ESYT2: variants seen among roughly 807,000 people sequenced by gnomAD.
ESYT2 encodes the protein extended synaptotagmin-2.
A neutral mutation model predicts 107.2 loss-of-function variants in ESYT2; 54 were observed. The observed-to-expected ratio is 0.50, with a 90% CI of 0.40 to 0.63. The LOEUF (loss-of-function observed/expected upper bound fraction) is 0.63, where lower values mean the gene tolerates loss of function less well. Ranked by LOEUF, ESYT2 falls within the 30% of genes least tolerant of loss-of-function variation. The pLI, the probability that ESYT2 is intolerant of heterozygous loss-of-function variation, is 0.00. For synonymous variants in ESYT2, 491 were observed against 434.1 expected (o/e 1.13, Z -1.63); for missense variants, 1,020 against 1,094.5 (o/e 0.93, Z 0.96).
At chr7:158,817,450 C>T (rs901589273) in intron 1 of ESYT2, among the ~76,000 whole-genome samples, 1 of 152,210 alleles carries the variant, frequency 6.6e-6, no homozygotes, top group Non-Finnish European at 1.5e-5. Context: ...TGATCTGGAG[C>T]GCTCCCCACA....
chr7:158,760,394 C>T (rs772662398), intron 11 of ESYT2, among the ~76,000 whole-genome samples: 25 of 152,362 alleles, frequency 1.6e-4, no homozygotes, highest in Admixed American at 4.6e-4. Context: ...ACACCAACCC[C>T]GTGACCCCGA....
chr7:158,787,025 G>A (rs898836725), intron 6 of ESYT2, among the ~76,000 whole-genome samples: 5 of 152,184 alleles, frequency 3.3e-5, no homozygotes, highest in Non-Finnish European at 2.9e-5. Flanking sequence ...CGAGGTGTGG[G>A]CTGATACAGA....
chr7:158,749,312 T>C (rs989455121), intron 15 of ESYT2, among the ~76,000 whole-genome samples: 2 of 151,904 alleles, frequency 1.3e-5, no homozygotes, highest in Non-Finnish European at 2.9e-5. Context: ...AGAGATGAGG[T>C]TTCACCGTAT....
At position 158,765,474 on chromosome 7, in the gene ESYT2, C is replaced by T. The variant is rs530312340; in HGVS notation, c.925-621G>A. On this transcript the variant is annotated intron_variant, in intron 8 of 22. Coordinates refer to ENST00000275418, the MANE Select transcript of ESYT2 (RefSeq NM_001367773.1). ...CTTGGCCAGGCGCGGTGGCTCATGC[C>T]TGTGATCACAGCACTTTGGAAGACC... Among the ~76,000 whole-genome samples the T allele has an allele frequency of 2.6e-5, 4 of 152,266 alleles. No individual in the cohort carries two copies. The East Asian group carries it at 7.7e-4, about 29-fold the overall frequency.
At chr7:158,757,629 C>T (rs1256881589) in intron 13 of ESYT2, among the ~76,000 whole-genome samples, 1 of 152,218 alleles carries the variant, frequency 6.6e-6, no homozygotes, top group Non-Finnish European at 1.5e-5. Context: ...CTAGAGCCCG[C>T]GGGACGCCCC....
At position 158,829,140 on chromosome 7, in the gene ESYT2, G is replaced by T; in HGVS notation, c.279C>A (p.Asp93Glu). The T allele has an allele frequency of 6.4e-7, 1 of 1,569,120 alleles. No individual in the cohort carries two copies. Among genetic ancestry groups the T allele is most frequent in the Admixed American group, 1.8e-5 (1 of 56,292 alleles). The change falls in exon 1 of 23, where the codon GAC becomes GAA. Residue 93 changes from aspartate to glutamate, a missense_variant. Asp to Glu is a conservative substitution (Grantham distance 45, BLOSUM62 2). Transcript: ENST00000275418. ...CCCCCAGGCGCACGACGCGCTCCTC[G>T]TCTTCCAGCAGCGCCAGCGCGCGGC... ...RLCRALALLE[D>E]EERVVRLGVR...
At chr7:158,739,211 T>G in intron 18 of ESYT2, 90 bp from the exon 19 acceptor site, 1 of 1,117,042 alleles carries the variant, frequency 9.0e-7, no homozygotes, top group Non-Finnish European at 1.3e-6. Flanking sequence ...AAATAATTTC[T>G]ATTCATTTAG....
chr7:158,755,419 G>C (rs942007857), intron 13 of ESYT2, among the ~76,000 whole-genome samples: 2 of 152,172 alleles, frequency 1.3e-5, no homozygotes, highest in Non-Finnish European at 2.9e-5. Flanking sequence ...GCTGATTTTG[G>C]TAACGCTCCT....
rs1032408371 is a variant in ESYT2 at position 158,733,563 on chromosome 7, G to A, written c.*644C>T. 2.0e-5 allele frequency: 3 copies of A among 152,220 alleles called. No homozygotes were observed. The highest frequency in any genetic ancestry group is 2.1e-4 in the South Asian group (1 of 4,814). 9.4% of individuals were successfully genotyped at this position (152,220 alleles called of 1,614,324 possible). On this transcript the variant is annotated 3_prime_UTR_variant, in exon 23 of 23. Coordinates refer to ENST00000275418, the MANE Select transcript of ESYT2 (RefSeq NM_001367773.1). ...AGTTATAAAACATTTTTCCTTATAA[G>A]CCCTTCAACTTACTTCTCAATAATA... is the stretch of plus-strand genomic sequence containing the variant.
chr7:158,816,352 A>G (rs1407600445), intron 1 of ESYT2, among the ~76,000 whole-genome samples: 1 of 152,218 alleles, frequency 6.6e-6, no homozygotes, highest in South Asian at 2.1e-4. Flanking sequence ...TGCAGCCTCA[A>G]TCCTTGTCTA....
intron 12 of ESYT2, among the ~76,000 whole-genome samples, chr7:158,759,843 C>G (rs1450820163): frequency 1.3e-5 from 2 of 152,304 alleles, no homozygotes; most frequent in East Asian, 3.9e-4. Context: ...AACTGAAGAT[C>G]TGATAAAACA....
chr7:158,792,780 T>A (rs911569641), intron 4 of ESYT2, among the ~76,000 whole-genome samples: 5 of 144,882 alleles, frequency 3.5e-5, no homozygotes, highest in African/African-American at 1.3e-4. Flanking sequence ...TTTTTTTTTT[T>A]TTTTTTGAGA....
intron 3 of ESYT2, among the ~76,000 whole-genome samples, chr7:158,794,373 G>GGA (rs1161060298): frequency 6.6e-6 from 1 of 152,150 alleles, no homozygotes; most frequent in African/African-American, 2.4e-5. Context: ...GCACACCTGT[G>GGA]GTTCTAGCTA....
chr7:158,764,556 A>G (rs147071689), intron 9 of ESYT2, 121 bp downstream of exon 9: 1,332 of 1,002,216 alleles, frequency 1.3e-3, no homozygotes, highest in Admixed American at 3.0e-3. Context: ...TAAACAAGGA[A>G]CATTTAAATG....
intron 1 of ESYT2, among the ~76,000 whole-genome samples, chr7:158,812,386 A>T (rs1840015005): frequency 6.6e-6 from 1 of 152,176 alleles, no homozygotes; most frequent in Non-Finnish European, 1.5e-5. Context: ...CATCGGGGAG[A>T]TGTAAGTCAG....
At position 158,828,172 on chromosome 7, in the gene ESYT2, A is replaced by T. The variant is rs566304346; in HGVS notation, c.330+917T>A. On this transcript the variant is annotated intron_variant, in intron 1 of 22. Transcript: ENST00000275418. ...ATCTAATATCTCCACATCTTTCGAG[A>T]GACACTTACTGCCCTTGAAATGCGT... 6.6e-5 allele frequency among the ~76,000 whole-genome samples: 10 copies of T among 152,382 alleles called. No homozygotes were observed. The South Asian group carries it at 2.1e-3, about 32-fold the overall frequency.
intron 1 of ESYT2, among the ~76,000 whole-genome samples, chr7:158,815,206 A>ACGGTCTTCCGCCT (rs1840117461): frequency 6.6e-6 from 1 of 152,300 alleles, no homozygotes; most frequent in East Asian, 1.9e-4. Flanking sequence ...AGCTATCCAC[A>ACGGTCTTCCGCCT]CGGTCTTCCG....
At chr7:158,820,812 A>G (rs1189217) in intron 1 of ESYT2, among the ~76,000 whole-genome samples, 87,691 of 152,056 alleles carry the variant, frequency 0.58, 27,137 homozygotes, top group Non-Finnish European at 0.68. Context: ...AAAATAATTG[A>G]AAAAAACCCA....
intron 1 of ESYT2, among the ~76,000 whole-genome samples, chr7:158,799,387 C>A (rs1373371508): frequency 6.6e-6 from 1 of 152,140 alleles, no homozygotes; most frequent in East Asian, 1.9e-4. Flanking sequence ...CAAAACTGAC[C>A]TCTACCTTTT....
Sources: gnomAD v4.1 joint callset for allele counts (sites outside exome capture counted in the v4.1 genomes callset) on GRCh38, gnomAD v4.1.1 for gene constraint, MANE v1.5 for transcripts, NCBI Gene and HGNC (gene_info 2026-07-23, HGNC 2026-07-21) for gene names.